Variants in PDE11A observed in about 807,000 individuals in gnomAD.
PDE11A encodes the protein phosphodiesterase 11A, also known as dual 3',5'-cyclic-AMP and -GMP phosphodiesterase 11A.
PDE11A carries 100 observed loss-of-function variants against 100.5 expected under a neutral mutation model. The observed-to-expected ratio is 1.00, with a 90% CI of 0.85 to 1.18. PDE11A has a LOEUF of 1.18. Ranked by LOEUF, PDE11A falls within the 50% of genes most tolerant of loss-of-function variation. PDE11A has a pLI of 0.00. For missense variants in PDE11A, 1,141 were observed against 1,152.6 expected (o/e 0.99, Z 0.15); for synonymous variants, 381 against 420.8 (o/e 0.91, Z 1.16).
At chr2:177,726,573 G>A (rs1407269477) in intron 12 of PDE11A, among the ~76,000 whole-genome samples, 5 of 151,600 alleles carry the variant, frequency 3.3e-5, no homozygotes, top group Admixed American at 2.6e-4. Flanking sequence ...TGATTTGGGA[G>A]AAAGGGGAAG....
At chr2:177,967,283 G>A (rs563071490) in intron 2 of PDE11A, among the ~76,000 whole-genome samples, 211 of 141,602 alleles carry the variant, frequency 1.5e-3, no homozygotes, top group African/African-American at 5.1e-3. Flanking sequence ...TGCAACCTTC[G>A]CCTCCTGGGT....
upstream of PDE11A, among the ~76,000 whole-genome samples, chr2:178,073,495 G>T (rs1396489809): frequency 6.6e-6 from 1 of 152,072 alleles, no homozygotes; most frequent in African/African-American, 2.4e-5. Flanking sequence ...TTAACAGCAG[G>T]GAGACCAGCT....
At chr2:177,955,669 G>C (rs2950572) in intron 2 of PDE11A, among the ~76,000 whole-genome samples, 3,999 of 152,170 alleles carry the variant, frequency 0.026, 158 homozygotes, top group African/African-American at 0.091. Flanking sequence ...ATACTACAAG[G>C]CTACAGTAAC....
At chr2:177,989,028 T>C (rs1011402479) in intron 2 of PDE11A, among the ~76,000 whole-genome samples, 5 of 152,238 alleles carry the variant, frequency 3.3e-5, no homozygotes, top group Admixed American at 3.3e-4. Context: ...GATGGCAAAA[T>C]AGGCTTGCCT....
chr2:177,661,254 A>T (rs141867584), intron 19 of PDE11A, among the ~76,000 whole-genome samples: 1 of 152,146 alleles, frequency 6.6e-6, no homozygotes, highest in South Asian at 2.1e-4. Flanking sequence ...TTTCAGACCA[A>T]TCACATCAGG....
At chr2:177,805,311 T>C (rs909255449) in intron 9 of PDE11A, among the ~76,000 whole-genome samples, 1 of 152,064 alleles carries the variant, frequency 6.6e-6, no homozygotes, top group Non-Finnish European at 1.5e-5. Flanking sequence ...CAACTATTAC[T>C]ATATTCTGGT....
intron 10 of PDE11A, among the ~76,000 whole-genome samples, chr2:177,737,446 C>CACACACACACACACAT (rs2081805673): frequency 6.7e-6 from 1 of 149,122 alleles, no homozygotes; most frequent in Admixed American, 6.7e-5. Context: ...CACACACACA[C>CACACACACACACACAT]ACAAATTAGC....
chr2:178,068,076 C>T (rs1234321608), intron 1 of PDE11A, among the ~76,000 whole-genome samples: 1 of 152,150 alleles, frequency 6.6e-6, no homozygotes, highest in East Asian at 1.9e-4. Context: ...AGAATAATCT[C>T]AGAGAACACC....
intron 2 of PDE11A, among the ~76,000 whole-genome samples, chr2:177,995,889 A>G (rs560496299): frequency 1.1e-4 from 17 of 152,274 alleles, no homozygotes; most frequent in African/African-American, 4.1e-4. Context: ...CAGATTCAGT[A>G]TTTTGGCTGT....
At chr2:177,836,300 T>A (rs902508957) in intron 6 of PDE11A, among the ~76,000 whole-genome samples, 7 of 152,160 alleles carry the variant, frequency 4.6e-5, no homozygotes, top group African/African-American at 1.4e-4. Flanking sequence ...GCTAAAGGAT[T>A]GTAAATACAC....
chr2:178,010,521 C>G (rs1415947722), intron 2 of PDE11A, among the ~76,000 whole-genome samples: 5 of 152,182 alleles, frequency 3.3e-5, no homozygotes, highest in Admixed American at 3.3e-4. Flanking sequence ...AGCTATAAAA[C>G]TTTTCTTGCC....
chr2:177,653,374 A>G (rs1420013686), intron 19 of PDE11A, among the ~76,000 whole-genome samples: 1 of 152,142 alleles, frequency 6.6e-6, no homozygotes, highest in Non-Finnish European at 1.5e-5. Context: ...GATTCCTGAG[A>G]TCCCATTTAC....
At chr2:177,897,049 T>C (rs1379005541) in intron 4 of PDE11A, among the ~76,000 whole-genome samples, 2 of 152,176 alleles carry the variant, frequency 1.3e-5, no homozygotes, top group Admixed American at 6.5e-5. Flanking sequence ...TGTCCAAAAT[T>C]TACCCTAAGG....
At chr2:177,637,720 C>T (rs1238339239) in intron 19 of PDE11A, among the ~76,000 whole-genome samples, 9 of 150,664 alleles carry the variant, frequency 6.0e-5, no homozygotes, top group African/African-American at 2.0e-4. Context: ...TGTCTTTTCC[C>T]TCTGGGACTC....
intron 2 of PDE11A, among the ~76,000 whole-genome samples, chr2:177,935,974 C>T (rs2085267462): frequency 6.6e-6 from 1 of 152,168 alleles, no homozygotes; most frequent in Non-Finnish European, 1.5e-5. Flanking sequence ...CCTCAACACA[C>T]GTTGTCTCTT....
chr2:177,874,038 T>G (rs778334770), intron 5 of PDE11A, among the ~76,000 whole-genome samples: 18 of 152,168 alleles, frequency 1.2e-4, no homozygotes, highest in Non-Finnish European at 2.4e-4. Context: ...CTAAGCCTGA[T>G]TCTGATTGAC....
intron 2 of PDE11A, among the ~76,000 whole-genome samples, chr2:177,918,681 A>AT (rs371325757): frequency 4.9e-4 from 75 of 152,290 alleles, no homozygotes; most frequent in African/African-American, 1.7e-3. Context: ...TATAATAGAC[A>AT]TTTTTTGCCA....
At chr2:177,811,322 G>T (rs1409256345) in intron 9 of PDE11A, among the ~76,000 whole-genome samples, 2 of 151,882 alleles carry the variant, frequency 1.3e-5, no homozygotes, top group African/African-American at 4.8e-5. Flanking sequence ...GATAGTAAAT[G>T]CCTCTCTTTG....
intron 4 of PDE11A, among the ~76,000 whole-genome samples, chr2:177,887,542 T>C (rs765893066): frequency 2.0e-5 from 3 of 152,056 alleles, no homozygotes; most frequent in Non-Finnish European, 4.4e-5. Context: ...AGTGGAAGGA[T>C]TGCTTGAGCA....
Sources: gnomAD v4.1 joint callset for allele counts (sites outside exome capture counted in the v4.1 genomes callset) on GRCh38, gnomAD v4.1.1 for gene constraint, MANE v1.5 for transcripts, NCBI Gene and HGNC (gene_info 2026-07-23, HGNC 2026-07-21) for gene names.